VPS36: variants seen among roughly 807,000 people sequenced by gnomAD.
The protein encoded by VPS36 is vacuolar protein sorting 36 homolog.
A neutral mutation model predicts 63.5 loss-of-function variants in VPS36; 31 were observed. That is an observed-to-expected ratio of 0.49 (90% CI 0.37 to 0.66). The LOEUF (loss-of-function observed/expected upper bound fraction) is 0.66. VPS36 is among the 30% of genes least tolerant of loss of function. The pLI, the probability that VPS36 is intolerant of heterozygous loss-of-function variation, is 0.00. For synonymous variants in VPS36, 138 were observed against 157.2 expected, an observed-to-expected ratio of 0.88 and a Z score of 0.91; for missense variants, 338 against 463.7, an observed-to-expected ratio of 0.73 and a Z score of 2.49.
In VPS36 at chr13:52,433,665, A is replaced by G. The variant is rs746319647; in HGVS notation, c.525T>C (p.Ser175=). The part of the protein sequence containing the change: ...EKRKETDKNI[S]EAFEDLSKLM... ...AGAGCCAGAATTTAACAGTTACCTC[A>G]GAAATGTTTTTGTCAGTTTCTTTTC... The change falls in exon 6 of 14, where the codon TCT becomes TCC. Residue 175 remains serine, a synonymous_variant. Transcript: ENST00000378060. 4 of 1,611,470 alleles carry G rather than the reference A, an allele frequency of 2.5e-6. No homozygotes were observed. The South Asian group carries it at 3.3e-5, about 13-fold the overall frequency.
rs567317326 is a variant in VPS36 at position 52,412,730 on chromosome 13, C to T, written c.*3100G>A. The T allele has an allele frequency of 3.9e-5, 6 of 152,208 alleles. No homozygotes were observed. Among genetic ancestry groups the T allele is most frequent in the African/African-American group, 1.4e-4 (6 of 41,518 alleles). The allele number at this position is 152,208 out of a possible 1,614,324, so 9.4% of individuals were successfully genotyped here. On this transcript the variant is annotated 3_prime_UTR_variant, in exon 14 of 14. Transcript: ENST00000378060. ...TCATTCAGTAAATATTTATTGAATG[C>T]TTATTGTGTCCAGGCCCTGTTCTCA...
rs371764544 is a variant in VPS36, at chr13:52,439,085, T to C, written c.236+13A>G. On this transcript the variant is annotated intron_variant, in intron 3 of 13. Transcript: ENST00000378060. ...TTTTCTGTGAATAAAGACTGTGCTATACACAGACTTACCTCTTCCCAATTC... is the reference window on the plus strand; with the variant it reads ...TTTTCTGTGAATAAAGACTGTGCTACACACAGACTTACCTCTTCCCAATTC... 9.3e-6 allele frequency: 15 copies of C among 1,612,500 alleles called. No individual in the cohort carries two copies. Among genetic ancestry groups the C allele is most frequent in the African/African-American group, 1.3e-5 (1 of 74,928 alleles).
Position 52,415,820 on chromosome 13 carries a change from T to G in VPS36, c.*10A>C. The G allele has an allele frequency of 6.2e-7, 1 of 1,612,802 alleles. No individual in the cohort carries two copies. The highest frequency in any genetic ancestry group is 8.5e-7 in the Non-Finnish European group (1 of 1,179,544). On this transcript the variant is annotated 3_prime_UTR_variant, in exon 14 of 14. Coordinates refer to ENST00000378060, the MANE Select transcript of VPS36 (RefSeq NM_016075.4). ...GCATATGGACAAAAAGGATTTTAAA[T>G]ACAAAACCCTTAGCTCTGTGTCATA...
intron 2 of VPS36, among the ~76,000 whole-genome samples, chr13:52,440,945 C>T (rs948158103): frequency 1.3e-5 from 2 of 152,128 alleles, no homozygotes; most frequent in Non-Finnish European, 2.9e-5. Context: ...ATTAGACTCT[C>T]AAAGGGAGGG....
At chr13:52,433,434 T>A (rs953993873) in intron 6 of VPS36, among the ~76,000 whole-genome samples, 18 of 152,280 alleles carry the variant, frequency 1.2e-4, no homozygotes, top group African/African-American at 3.9e-4. Context: ...CATTTTATGA[T>A]GTTTTCTAAC....
At chr13:52,440,860 C>A (rs1212549438) in intron 2 of VPS36, among the ~76,000 whole-genome samples, 2 of 152,190 alleles carry the variant, frequency 1.3e-5, no homozygotes, top group African/African-American at 4.8e-5. Flanking sequence ...GGACCAGTTT[C>A]ATGGAAGACA....
In VPS36 at chr13:52,439,685, G is replaced by A. The variant is rs902565832; in HGVS notation, c.166-517C>T. 7.9e-5 allele frequency among the ~76,000 whole-genome samples: 12 copies of A among 152,142 alleles called. No individual in the cohort carries two copies. The East Asian group carries it at 2.3e-3, about 30-fold the overall frequency. On this transcript the variant is annotated intron_variant, in intron 2 of 13. Transcript: ENST00000378060. ...ATGGTCTCGATCTCCTGACCTCGTA[G>A]TCCACCTGGCTCGGCCTCCCAAAGT...
At chr13:52,425,225 C>G (rs1419438860) in intron 9 of VPS36, among the ~76,000 whole-genome samples, 25 of 147,498 alleles carry the variant, frequency 1.7e-4, no homozygotes, top group Non-Finnish European at 3.1e-4. Flanking sequence ...TGCACTCCAG[C>G]CTGGGTGACA....
In VPS36 at chr13:52,425,954, C is replaced by T; in HGVS notation, c.752G>A (p.Gly251Glu). 2 of 1,613,488 alleles carry T rather than the reference C, an allele frequency of 1.2e-6. No homozygotes were observed. The highest frequency in any genetic ancestry group is 8.5e-7 in the Non-Finnish European group (1 of 1,179,740). The change falls in exon 9 of 14, where the codon GGA (glycine) becomes GAA (glutamate). Residue 251 changes from glycine (G) to glutamate (E), a missense_variant. By Grantham distance (98) the Gly-to-Glu change is moderately conservative. Coordinates refer to ENST00000378060, the MANE Select transcript of VPS36 (RefSeq NM_016075.4). ...YHMQLAKQLA[G>E]ILQVPLEERG... is the part of the protein sequence containing the mutation. ...TACCTCTAAAGGCACCTGCAATATT[C>T]CAGCCAGTTGTTTGGCCAGCTGCAT...
Position 52,440,187 on chromosome 13 carries a change from G to C in VPS36, c.166-1019C>G, listed in dbSNP as rs148583018. On this transcript the variant is annotated intron_variant, in intron 2 of 13. Transcript: ENST00000378060. ...AGAGAAGGACTTTCACCATGTTGGC[G>C]AGGCTAGTCTCGAACTCCTGACCTC... Among the ~76,000 whole-genome samples, 1,118 of 151,746 alleles carry C rather than the reference G, an allele frequency of 7.4e-3. 6 individuals are homozygous for C. Among genetic ancestry groups the C allele is most frequent in the African/African-American group, 0.017 (696 of 41,344 alleles).
At position 52,413,366 on chromosome 13, in the gene VPS36, G is replaced by A. The variant is rs1428686220; in HGVS notation, c.*2464C>T. The A allele has an allele frequency of 6.6e-6, 1 of 151,988 alleles. No individual in the cohort carries two copies. Among genetic ancestry groups the A allele is most frequent in the Non-Finnish European group, 1.5e-5 (1 of 67,926 alleles). The allele number at this position is 151,988 out of a possible 1,614,324, so 9.4% of individuals were successfully genotyped here. ...TGTTTTAAGACAACTAAAACAGTAAGAGCTCAATGTCATAAGTATTTATAA... is the reference window on the plus strand; with the variant it reads ...TGTTTTAAGACAACTAAAACAGTAAAAGCTCAATGTCATAAGTATTTATAA... On this transcript the variant is annotated 3_prime_UTR_variant, in exon 14 of 14. Transcript: ENST00000378060.
intron 2 of VPS36, among the ~76,000 whole-genome samples, chr13:52,441,624 C>T (rs1410777288): frequency 2.0e-5 from 3 of 152,118 alleles, no homozygotes; most frequent in Non-Finnish European, 2.9e-5. Flanking sequence ...TGGTGGCACG[C>T]ACCAGTAATC....
chr13:52,434,708 G>A, intron 5 of VPS36, 85 bp downstream of exon 5: 1 of 1,320,310 alleles, frequency 7.6e-7, no homozygotes, highest in Non-Finnish European at 1.1e-6. Context: ...TTTTGGGCAA[G>A]TTCTACAATC....
intron 9 of VPS36, 91 bp downstream of exon 9, chr13:52,425,841 C>A: frequency 7.5e-7 from 1 of 1,328,522 alleles, no homozygotes; most frequent in East Asian, 2.6e-5. Context: ...ATAACCATAT[C>A]ATGAAAATAG....
chr13:52,418,573 CAAAAAAAAAAAAAA>C (rs1201650906), intron 10 of VPS36, among the ~76,000 whole-genome samples: 1 of 31,158 alleles, frequency 3.2e-5, no homozygotes, highest in Non-Finnish European at 6.9e-5. Flanking sequence ...GACTCCATCT[CAAAAAAAAAAAAAA>C]AAAAAAAAAA....
Position 52,439,159 on chromosome 13 carries a change from T to C in VPS36, c.175A>G (p.Met59Val). 6.2e-7 allele frequency: 1 copy of C among 1,613,740 alleles called. No homozygotes were observed. Among genetic ancestry groups the C allele is most frequent in the Non-Finnish European group, 8.5e-7 (1 of 1,179,876 alleles). The stretch of plus-strand genomic sequence containing the variant: ...ACAATTTGGGAAAGGAGAATGGCCA[T>C]GCAACACTCCTAGGAGGAAATCAAT... The part of the protein sequence containing the change: ...WRDQKNHECC[M>V]AILLSQIVFI... Residue 59 changes from methionine to valine, a missense_variant, in exon 3 of 14, where the codon ATG (methionine) becomes GTG (valine). Physicochemically the swap from Met to Val is conservative, Grantham distance 21. Coordinates refer to ENST00000378060, the MANE Select transcript of VPS36 (RefSeq NM_016075.4).
chr13:52,438,239 G>T (rs1180114009), intron 3 of VPS36, among the ~76,000 whole-genome samples: 1 of 151,902 alleles, frequency 6.6e-6, no homozygotes, highest in African/African-American at 2.4e-5. Context: ...TTAATACAAT[G>T]GAGAAAATTG....
intron 1 of VPS36, chr13:52,450,055 C>T: frequency 1.0e-6 from 1 of 987,792 alleles, no homozygotes; most frequent in African/African-American, 1.7e-5. Flanking sequence ...ACCGCGCCCT[C>T]CTCACAGAAA....
Position 52,418,043 on chromosome 13 carries a change from T to G in VPS36, c.854A>C (p.Glu285Ala). 1 of 1,611,784 alleles carries G rather than the reference T, an allele frequency of 6.2e-7. No homozygotes were observed. Among genetic ancestry groups the G allele is most frequent in the Non-Finnish European group, 8.5e-7 (1 of 1,179,072 alleles). The change falls in exon 11 of 14, where the codon GAA becomes GCA. Residue 285 changes from glutamate to alanine, a missense_variant. Coordinates refer to ENST00000378060, the MANE Select transcript of VPS36 (RefSeq NM_016075.4). ...RARGMELLSP[E>A]DLVNACKMLE... The stretch of plus-strand genomic sequence containing the variant: ...CATCTTGCACGCATTCACTAAATCT[T>G]CTGGTGAGAGCAACTAATAGGGAAA...
Sources: gnomAD v4.1 joint callset for allele counts (sites outside exome capture counted in the v4.1 genomes callset) on GRCh38, gnomAD v4.1.1 for gene constraint, MANE v1.5 for transcripts, NCBI Gene and HGNC (gene_info 2026-07-23, HGNC 2026-07-21) for gene names.